The following ATXN1 variants were observed in gnomAD, a reference collection of about 807,000 sequenced individuals.
The protein encoded by ATXN1 is ataxin-1.
Under a neutral mutation model 56.4 loss-of-function variants are expected in ATXN1, and 8 were observed. That is an observed-to-expected ratio of 0.14 (90% CI 0.08 to 0.26). ATXN1 has a LOEUF of 0.26. Ranked by LOEUF, ATXN1 falls within the 10% of genes least tolerant of loss-of-function variation. ATXN1 has a pLI of 1.00. For missense variants in ATXN1, 987 were observed against 1,106.5 expected (o/e 0.89, Z 1.53); for synonymous variants, 514 against 494.6 (o/e 1.04, Z -0.52).
At chr6:16,569,208 G>A (rs1364981133) in intron 4 of ATXN1, among the ~76,000 whole-genome samples, 4 of 152,038 alleles carry the variant, frequency 2.6e-5, no homozygotes, top group Non-Finnish European at 5.9e-5. Context: ...GTTCAGACCC[G>A]GGTGGTTTAA....
intron 2 of ATXN1, among the ~76,000 whole-genome samples, chr6:16,659,184 C>G (rs1158500685): frequency 6.6e-6 from 1 of 152,226 alleles, no homozygotes; most frequent in Non-Finnish European, 1.5e-5. Flanking sequence ...GGAGGAACAA[C>G]TGCCTGAAAA....
At position 16,405,911 on chromosome 6, in the gene ATXN1, C is replaced by T. The variant is rs573871810; in HGVS notation, c.-160-77441G>A. On this transcript the variant is annotated intron_variant, in intron 6 of 7. Coordinates refer to ENST00000436367, the MANE Select transcript of ATXN1 (RefSeq NM_001128164.2). ...TGGAACGGGGGCTGGGAAGGAAGGCCGCACTGCAGTGCTCTTGGTGGGGTT... is the reference window on the plus strand; with the variant it reads ...TGGAACGGGGGCTGGGAAGGAAGGCTGCACTGCAGTGCTCTTGGTGGGGTT... Among the ~76,000 whole-genome samples, 9 of 152,008 alleles carry T rather than the reference C, an allele frequency of 5.9e-5. No homozygotes were observed. The East Asian group carries it at 9.7e-4, about 16-fold the overall frequency.
intron 4 of ATXN1, among the ~76,000 whole-genome samples, chr6:16,531,042 G>C (rs1761493839): frequency 6.6e-6 from 1 of 152,188 alleles, no homozygotes; most frequent in Non-Finnish European, 1.5e-5. Context: ...GTATTGAAGA[G>C]AATTTGTACA....
At chr6:16,322,853 G>A (rs921172867) in intron 7 of ATXN1, among the ~76,000 whole-genome samples, 1 of 152,190 alleles carries the variant, frequency 6.6e-6, no homozygotes, top group Non-Finnish European at 1.5e-5. Context: ...ATTTCTGATA[G>A]GCTCCTCGGT....
intron 4 of ATXN1, among the ~76,000 whole-genome samples, chr6:16,527,045 CT>C (rs1761410099): frequency 6.6e-6 from 1 of 150,458 alleles, no homozygotes; most frequent in Non-Finnish European, 1.5e-5. Context: ...AAAATCAGGA[CT>C]TACCATATTT....
At chr6:16,551,498 G>C (rs1321461859) in intron 4 of ATXN1, among the ~76,000 whole-genome samples, 1 of 152,206 alleles carries the variant, frequency 6.6e-6, no homozygotes, top group Non-Finnish European at 1.5e-5. Context: ...GGAGGTGTAT[G>C]TGTGTGGGGA....
rs186721872 is a variant in ATXN1, at chr6:16,630,179, G to T, written c.-489+27597C>A. Among the ~76,000 whole-genome samples, 4 of 152,268 alleles carry T rather than the reference G, an allele frequency of 2.6e-5. No homozygotes were observed. In the East Asian group the frequency reaches 7.7e-4, roughly 29 times the overall value. ...TCCAACTGTGGGCATTCCCTTGGGTGCCCTCTTACACTCACTGATTCACCC... is the reference window on the plus strand; with the variant it reads ...TCCAACTGTGGGCATTCCCTTGGGTTCCCTCTTACACTCACTGATTCACCC... On this transcript the variant is annotated intron_variant, in intron 3 of 7. Coordinates refer to ENST00000436367, the MANE Select transcript of ATXN1 (RefSeq NM_001128164.2).
At chr6:16,572,658 A>T (rs1396421775) in intron 4 of ATXN1, among the ~76,000 whole-genome samples, 1 of 152,206 alleles carries the variant, frequency 6.6e-6, no homozygotes, top group Non-Finnish European at 1.5e-5. Context: ...GTGAGACACA[A>T]GCCCAAGAGA....
At chr6:16,454,737 A>G (rs1759831244) in intron 6 of ATXN1, among the ~76,000 whole-genome samples, 1 of 152,234 alleles carries the variant, frequency 6.6e-6, no homozygotes, top group Non-Finnish European at 1.5e-5. Flanking sequence ...TCAGCAGACA[A>G]AACTAAACAG....
chr6:16,301,902 A>G lies in ATXN1; in HGVS notation c.*4427T>C. On this transcript the variant is annotated 3_prime_UTR_variant, in exon 8 of 8. Transcript: ENST00000436367. Reference sequence around the variant, plus strand: ...CTCTATGAAAGAAATAGGTTTCCTTAGTAGTCACAGATGTTAAAGGGTATT... The same window carrying G: ...CTCTATGAAAGAAATAGGTTTCCTTGGTAGTCACAGATGTTAAAGGGTATT... 6.5e-6 allele frequency: 1 copy of G among 152,922 alleles called. No individual in the cohort carries two copies. The allele number at this position is 152,922 out of a possible 1,614,324, so 9.5% of individuals were successfully genotyped here.
intron 6 of ATXN1, among the ~76,000 whole-genome samples, chr6:16,484,821 CT>C (rs1208418045): frequency 1.3e-5 from 2 of 152,032 alleles, no homozygotes; most frequent in East Asian, 3.9e-4. Flanking sequence ...CTTGTCAATA[CT>C]TTTCTCCCTG....
At chr6:16,461,681 C>A (rs1245205433) in intron 6 of ATXN1, among the ~76,000 whole-genome samples, 1 of 152,202 alleles carries the variant, frequency 6.6e-6, no homozygotes, top group Non-Finnish European at 1.5e-5. Context: ...TGAAATAATT[C>A]CCAGATTTGG....
chr6:16,319,605 T>A (rs1760598162), intron 7 of ATXN1, among the ~76,000 whole-genome samples: 1 of 152,166 alleles, frequency 6.6e-6, no homozygotes, highest in African/African-American at 2.4e-5. Context: ...TAGTTAAAAA[T>A]AAGGTATCGG....
intron 5 of ATXN1, 119 bp from the exon 6 acceptor site, chr6:16,486,228 A>G (rs942524810): frequency 6.6e-6 from 1 of 152,194 alleles, no homozygotes; most frequent in African/African-American, 2.4e-5. Flanking sequence ...ACCAAAGACC[A>G]TTTTCTTAAA....
rs1229206714 is a variant in ATXN1, at chr6:16,417,475, G to A, written c.-161+68497C>T. Among the ~76,000 whole-genome samples, 4 of 140,370 alleles carry A rather than the reference G, an allele frequency of 2.8e-5. No homozygotes were observed. The East Asian group carries it at 6.3e-4, about 22-fold the overall frequency. The allele number at this position is 140,370 out of a possible 152,430, so 92.1% of individuals were successfully genotyped here. On this transcript the variant is annotated intron_variant, in intron 6 of 7. Transcript: ENST00000436367. ...TTTTCTTGAGACGGAGTCTTGCTCTGTCACCCAGGCTGGAGAGCAGTGGCA... is the reference window on the plus strand; with the variant it reads ...TTTTCTTGAGACGGAGTCTTGCTCTATCACCCAGGCTGGAGAGCAGTGGCA...
chr6:16,329,289 G>C (rs149140098), intron 6 of ATXN1, among the ~76,000 whole-genome samples: 249 of 152,174 alleles, frequency 1.6e-3, no homozygotes, highest in African/African-American at 5.3e-3. Context: ...TGAAAGTCCA[G>C]AACAGTCCTT....
intron 6 of ATXN1, among the ~76,000 whole-genome samples, chr6:16,438,908 T>C (rs1759446873): frequency 6.6e-6 from 1 of 152,286 alleles, no homozygotes; most frequent in Middle Eastern, 3.4e-3. Context: ...TAAGAGGGAC[T>C]AAGAAGCAAT....
chr6:16,743,841 A>G (rs492412), intron 2 of ATXN1, among the ~76,000 whole-genome samples: 83,914 of 151,476 alleles, frequency 0.55, 23,426 homozygotes, highest in African/African-American at 0.61. Flanking sequence ...AGAGTATGGC[A>G]CTTGAAGGAG....
Position 16,305,699 on chromosome 6 carries a change from C to CT in ATXN1, c.*629dup, listed in dbSNP as rs1760227597. On this transcript the variant is annotated 3_prime_UTR_variant, in exon 8 of 8. Transcript: ENST00000436367. ...TATATATCTATACAATTAAAAGTTG[C>CT]TTTTATTGTAAAATATGTTGGAGAG... is the stretch of plus-strand genomic sequence containing the variant. 6.5e-6 allele frequency: 1 copy of CT among 152,756 alleles called. No homozygotes were observed. Among genetic ancestry groups the CT allele is most frequent in the Non-Finnish European group, 1.5e-5 (1 of 68,114 alleles). 9.5% of individuals were successfully genotyped at this position (152,756 alleles called of 1,614,324 possible).
Sources: gnomAD v4.1 joint callset for allele counts (sites outside exome capture counted in the v4.1 genomes callset) on GRCh38, gnomAD v4.1.1 for gene constraint, MANE v1.5 for transcripts, NCBI Gene and HGNC (gene_info 2026-07-23, HGNC 2026-07-21) for gene names.